Variants in PALLD observed in about 807,000 individuals in gnomAD.
PALLD encodes palladin, cytoskeletal associated protein.
A neutral mutation model predicts 123.5 loss-of-function variants in PALLD; 61 were observed. The observed-to-expected ratio is 0.49, with a 90% CI of 0.40 to 0.61. PALLD has a LOEUF of 0.61. PALLD is among the 20% of genes least tolerant of loss of function. PALLD has a pLI of 0.00. For missense variants in PALLD, 1,273 were observed against 1,377.0 expected (o/e 0.92, Z 1.20); for synonymous variants, 465 against 496.4 (o/e 0.94, Z 0.84).
chr4:168,584,215 G>GTTTTT (rs10654362), intron 2 of PALLD, among the ~76,000 whole-genome samples: 5 of 148,022 alleles, frequency 3.4e-5, no homozygotes, highest in South Asian at 4.2e-4. Context: ...AGACCATCAG[G>GTTTTT]TTTTTTTTTT....
rs587780197 is a variant in PALLD at position 168,898,598 on chromosome 4, G to C, written c.2356G>C (p.Val786Leu). Residue 786 changes from valine to leucine, a missense_variant, in exon 14 of 22, where the codon GTG (valine) becomes CTG (leucine). Val to Leu is a conservative substitution (Grantham distance 32). Around this residue, in one of 2 missense-constraint regions of PALLD, gnomAD observed 944 missense variants for 954.5 expected, o/e 0.99. Coordinates refer to ENST00000505667, the MANE Select transcript of PALLD (RefSeq NM_001166108.2). Reference protein sequence around the residue: ...ESGDEVQYGDVPVENGMAPFF... With the variant: ...ESGDEVQYGDLPVENGMAPFF... ...AGGTGATGAAGTTCAGTATGGAGAT[G>C]TGCCTGTGGAAAATGGAATGGCACC... 1 of 1,613,692 alleles carries C rather than the reference G, an allele frequency of 6.2e-7. No homozygotes were observed. The highest frequency in any genetic ancestry group is 8.5e-7 in the Non-Finnish European group (1 of 1,179,566).
intron 2 of PALLD, among the ~76,000 whole-genome samples, chr4:168,611,734 T>C (rs1463181000): frequency 6.6e-6 from 1 of 152,228 alleles, no homozygotes; most frequent in Non-Finnish European, 1.5e-5. Flanking sequence ...GGGCTGATAC[T>C]GCTCACGGAT....
intron 10 of PALLD, among the ~76,000 whole-genome samples, chr4:168,850,523 C>CTTTTTTTTTTTTTTTTTTTTTTTT (rs767777801): frequency 2.9e-5 from 1 of 34,692 alleles, no homozygotes; most frequent in Non-Finnish European, 4.7e-5. Context: ...TCTGTCATTT[C>CTTTTTTTTTTTTTTTTTTTTTTTT]TTTTTTTTTT....
chr4:168,763,314 C>G (rs964748126), intron 10 of PALLD, among the ~76,000 whole-genome samples: 1 of 152,080 alleles, frequency 6.6e-6, no homozygotes. Flanking sequence ...CATAGAGTAC[C>G]TACTATGTGC....
rs1342567232 is a variant in PALLD, at chr4:168,685,517, T to C, written c.1293T>C (p.Pro431=). The C allele has an allele frequency of 1.2e-6, 2 of 1,612,528 alleles. No individual in the cohort carries two copies. The highest frequency in any genetic ancestry group is 2.7e-5 in the African/African-American group (2 of 74,890). The part of the protein sequence containing the change: ...VHSPTSYLCR[P]DGTTTAYFPP... ...GTCCAACTTCATATCTCTGCCGACC[T>C]GATGGAACCACTACTGCCTACTTTC... is the stretch of plus-strand genomic sequence containing the variant. The change falls in exon 6 of 22, where the codon CCT becomes CCC. Residue 431 remains proline (P), a synonymous_variant. Transcript: ENST00000505667.
At chr4:168,734,462 G>A (rs72699888) in intron 10 of PALLD, among the ~76,000 whole-genome samples, 1 of 152,028 alleles carries the variant, frequency 6.6e-6, no homozygotes, top group Non-Finnish European at 1.5e-5. Context: ...GAGGGGATGT[G>A]GTGGAGGAAT....
In PALLD at chr4:168,813,108, G is replaced by C. The variant is rs573763918; in HGVS notation, c.1965-77814G>C. On this transcript the variant is annotated intron_variant, in intron 10 of 21. Coordinates refer to ENST00000505667, the MANE Select transcript of PALLD (RefSeq NM_001166108.2). ...TTTCTTTTGAAAAACGTACTTTTGG[G>C]GGGGGCGGAAATGAATTTGAATCTA... Among the ~76,000 whole-genome samples, 87 of 151,722 alleles carry C rather than the reference G, an allele frequency of 5.7e-4. 2 individuals are homozygous for C. In the South Asian group the frequency reaches 0.017, roughly 29 times the overall value.
At chr4:168,757,791 G>A (rs1349066498) in intron 10 of PALLD, among the ~76,000 whole-genome samples, 3 of 152,214 alleles carry the variant, frequency 2.0e-5, no homozygotes, top group Admixed American at 6.5e-5. Context: ...ACATATTTAG[G>A]CTGGGTGGGG....
chr4:168,772,251 C>G (rs529528488), intron 10 of PALLD, among the ~76,000 whole-genome samples: 1 of 152,276 alleles, frequency 6.6e-6, no homozygotes, highest in South Asian at 2.1e-4. Flanking sequence ...CCTTCAGGAT[C>G]TAGGCTCCTA....
At chr4:168,752,172 A>G (rs2150389928) in intron 10 of PALLD, among the ~76,000 whole-genome samples, 1 of 152,350 alleles carries the variant, frequency 6.6e-6, no homozygotes. Context: ...CAGGAATTCA[A>G]GACCAGCCTG....
intron 2 of PALLD, among the ~76,000 whole-genome samples, chr4:168,637,033 G>A (rs563193633): frequency 6.6e-6 from 1 of 152,176 alleles, no homozygotes; most frequent in South Asian, 2.1e-4. Context: ...AGGAAAAGAA[G>A]AGCTAAGTGA....
chr4:168,632,828 C>T (rs1775967877), intron 2 of PALLD, among the ~76,000 whole-genome samples: 2 of 152,240 alleles, frequency 1.3e-5, no homozygotes, highest in East Asian at 1.9e-4. Flanking sequence ...AGAGAGAGTT[C>T]CCCTAATCTA....
intron 2 of PALLD, among the ~76,000 whole-genome samples, chr4:168,587,681 C>T (rs1246897075): frequency 2.0e-5 from 3 of 152,146 alleles, no homozygotes; most frequent in Non-Finnish European, 4.4e-5. Flanking sequence ...CTCTCCCCTG[C>T]TGTAGCAATT....
At chr4:168,766,227 T>A (rs986352660) in intron 10 of PALLD, among the ~76,000 whole-genome samples, 1 of 152,252 alleles carries the variant, frequency 6.6e-6, no homozygotes, top group African/African-American at 2.4e-5. Flanking sequence ...TTTTTCCACC[T>A]TTTTTGTATG....
chr4:168,903,355 T>C (rs1269044902), intron 14 of PALLD, among the ~76,000 whole-genome samples: 1 of 152,122 alleles, frequency 6.6e-6, no homozygotes, highest in Admixed American at 6.5e-5. Flanking sequence ...TTATAAACAA[T>C]ACATTTTAAT....
chr4:168,624,065 A>C (rs578127626), intron 2 of PALLD, among the ~76,000 whole-genome samples: 6 of 152,338 alleles, frequency 3.9e-5, no homozygotes, highest in Admixed American at 3.3e-4. Flanking sequence ...GGCAAGGCCC[A>C]CAAAGTCAAC....
At chr4:168,743,416 T>A (rs544763810) in intron 10 of PALLD, among the ~76,000 whole-genome samples, 74 of 149,096 alleles carry the variant, frequency 5.0e-4, no homozygotes, top group African/African-American at 1.8e-3. Flanking sequence ...ACTTTCGAGA[T>A]TTTTTTTTTA....
intron 10 of PALLD, among the ~76,000 whole-genome samples, chr4:168,733,969 T>A (rs1022521089): frequency 6.6e-6 from 1 of 152,204 alleles, no homozygotes; most frequent in African/African-American, 2.4e-5. Flanking sequence ...TCTCCTGACC[T>A]CGTGATCTGC....
intron 10 of PALLD, among the ~76,000 whole-genome samples, chr4:168,737,750 A>G (rs556922537): frequency 1.1e-4 from 17 of 152,350 alleles, no homozygotes; most frequent in African/African-American, 4.1e-4. Flanking sequence ...AGTGACGAAC[A>G]GATCAAGGTC....
Sources: allele counts gnomAD v4.1 joint callset (sites outside exome capture counted in the v4.1 genomes callset), GRCh38; gene constraint gnomAD v4.1.1; regional missense constraint gnomAD v4.1.1; transcripts MANE v1.5; gene names NCBI Gene and HGNC (gene_info 2026-07-23, HGNC 2026-07-21).